Variants in C19orf25 observed in about 807,000 individuals in gnomAD.
The protein encoded by C19orf25 is UPF0449 protein C19orf25.
C19orf25 carries 1 observed loss-of-function variant against 3.1 expected under a neutral mutation model. The observed-to-expected ratio is 0.32, with a 90% CI of 0.12 to 1.54. The LOEUF (loss-of-function observed/expected upper bound fraction) is 1.54, where lower values mean the gene tolerates loss of function less well. C19orf25 is among the 40% of genes most tolerant of loss of function. The pLI, the probability that C19orf25 is intolerant of heterozygous loss-of-function variation, is 0.38. For missense variants in C19orf25, 196 were observed against 160.4 expected (o/e 1.22, Z -1.20); for synonymous variants, 91 against 74.3 (o/e 1.23, Z -1.16).
Position 1,476,100 on chromosome 19 carries a change from C to T in C19orf25, c.131-842G>A, listed in dbSNP as rs143230648. 247 of 398,398 alleles carry T rather than the reference C, an allele frequency of 6.2e-4. 1 individual carries two copies. The highest frequency in any genetic ancestry group is 4.5e-3 in the African/African-American group (218 of 48,724). 24.7% of individuals were successfully genotyped at this position (398,398 alleles called of 1,614,324 possible). A position where few individuals can be genotyped will look rare whatever the true frequency, so the allele number is the denominator to read the frequency against. On this transcript the variant is annotated intron_variant, in intron 2 of 2. Coordinates refer to ENST00000585675, the MANE Select transcript of C19orf25 (RefSeq NM_152482.3). ...TGGTGACTCCCACATTCAGCAGAAA[C>T]TACGTATGGCTCCCTGCTCCCCCAC...
rs1200324468 is a variant in C19orf25 at position 1,474,959 on chromosome 19, G to T, written c.*73C>A. 2 of 1,531,168 alleles carry T rather than the reference G, an allele frequency of 1.3e-6. No individual in the cohort carries two copies. Among genetic ancestry groups the T allele is most frequent in the Admixed American group, 3.9e-5 (2 of 50,906 alleles). The allele number at this position is 1,531,168 out of a possible 1,614,324, so 94.8% of individuals were successfully genotyped here. On this transcript the variant is annotated 3_prime_UTR_variant, in exon 3 of 3. Transcript: ENST00000585675. ...GGGACCCCGTGAATGCCAGTCTGGG[G>T]CCGACGGACCCCCAGGGAAAGCCTG...
At position 1,474,587 on chromosome 19, in the gene C19orf25, C is replaced by T. The variant is rs1045583121; in HGVS notation, c.*445G>A. On this transcript the variant is annotated 3_prime_UTR_variant, in exon 3 of 3. Transcript: ENST00000585675. ...GGGGTCAGGGGCTCAGGCTGGCCCT[C>T]GGGCTGCTCTGACATTGGGTGGGCA... 1.8e-5 allele frequency: 8 copies of T among 435,910 alleles called. No individual in the cohort carries two copies. Among genetic ancestry groups the T allele is most frequent in the Non-Finnish European group, 2.4e-5 (6 of 249,228 alleles). 27.0% of individuals were successfully genotyped at this position (435,910 alleles called of 1,614,324 possible). A position where few individuals can be genotyped will look rare whatever the true frequency, so the allele number is the denominator to read the frequency against.
intron 1 of C19orf25, 121 bp from the exon 2 acceptor site, chr19:1,479,026 C>T: frequency 7.1e-7 from 1 of 1,400,994 alleles, no homozygotes; most frequent in Non-Finnish European, 9.3e-7. Flanking sequence ...GGAAGCCCGC[C>T]CTGTCCCGCC....
chr19:1,476,028 C>T (rs989777900), intron 2 of C19orf25: 2 of 395,774 alleles, frequency 5.1e-6, no homozygotes, highest in Non-Finnish European at 8.9e-6. Flanking sequence ...GGAGCACACA[C>T]TTAGGGAGGC....
chr19:1,478,386 G>A (rs942224706), intron 2 of C19orf25: 3 of 378,752 alleles, frequency 7.9e-6, no homozygotes, highest in East Asian at 4.2e-5. Context: ...GATTACAGGC[G>A]CCTGCCACTA....
intron 2 of C19orf25, among the ~76,000 whole-genome samples, chr19:1,476,714 G>A (rs1043417550): frequency 3.9e-5 from 6 of 152,072 alleles, no homozygotes; most frequent in African/African-American, 9.7e-5. Flanking sequence ...ACTCCTGGGC[G>A]CAAGCAACCC....
At position 1,474,998 on chromosome 19, in the gene C19orf25, T is replaced by C. The variant is rs753874170; in HGVS notation, c.*34A>G. 6.4e-7 allele frequency: 1 copy of C among 1,550,820 alleles called. No individual in the cohort carries two copies. The highest frequency in any genetic ancestry group is 1.2e-5 in the South Asian group (1 of 84,938). On this transcript the variant is annotated 3_prime_UTR_variant, in exon 3 of 3. Coordinates refer to ENST00000585675, the MANE Select transcript of C19orf25 (RefSeq NM_152482.3). ...AGGGAAAGCCTGGGTGCAGGCCACC[T>C]TGTGCGCTGCCCAAGCCTGCAGGCC...
chr19:1,475,010 C>T lies in C19orf25; in HGVS notation c.*22G>A. The T allele has an allele frequency of 6.4e-7, 1 of 1,560,450 alleles. No individual in the cohort carries two copies. The highest frequency in any genetic ancestry group is 8.6e-7 in the Non-Finnish European group (1 of 1,156,918). ...GGTGCAGGCCACCTTGTGCGCTGCC[C>T]AAGCCTGCAGGCCCCGAGAGGTCAG... On this transcript the variant is annotated 3_prime_UTR_variant, in exon 3 of 3. Transcript: ENST00000585675.
chr19:1,473,781 G>A lies in C19orf25; in HGVS notation c.*1251C>T, dbSNP rs943249510. On this transcript the variant is annotated 3_prime_UTR_variant, in exon 3 of 3. Coordinates refer to ENST00000585675, the MANE Select transcript of C19orf25 (RefSeq NM_152482.3). ...TGCAGGGTGGGAAGGGATGGCAGGA[G>A]CCGGCCCCCTCCCCACCTTCCACCC... 6.6e-6 allele frequency: 1 copy of A among 152,460 alleles called. No individual in the cohort carries two copies. Among genetic ancestry groups the A allele is most frequent in the Admixed American group, 6.5e-5 (1 of 15,286 alleles). The allele number at this position is 152,460 out of a possible 1,614,324, so 9.4% of individuals were successfully genotyped here.
In C19orf25 at chr19:1,475,259, C is replaced by G. The variant is rs201353187; in HGVS notation, c.131-1G>C. On this transcript the variant is annotated splice_acceptor_variant, in intron 2 of 2. Transcript: ENST00000585675. LOFTEE classifies it high-confidence loss of function. ...ATCATCCTGAAGGGAACTGGGGGGT[C>G]TGAGACAGGACACAGCAGCATCACT... 5.2e-3 allele frequency: 7,967 copies of G among 1,546,604 alleles called. 26 individuals are homozygous for G. The highest frequency in any genetic ancestry group is 6.4e-3 in the Non-Finnish European group (7,341 of 1,143,652).
At chr19:1,478,564 G>A (rs2084229825) in intron 2 of C19orf25, 1 of 1,374,598 alleles carries the variant, frequency 7.3e-7, no homozygotes, top group Non-Finnish European at 9.4e-7. Flanking sequence ...CTGAACCACA[G>A]CGCCCGGCCT....
At chr19:1,478,600 A>C in intron 2 of C19orf25, 174 bp downstream of exon 2, 1 of 1,401,042 alleles carries the variant, frequency 7.1e-7, no homozygotes, top group Non-Finnish European at 9.3e-7. Context: ...GAACCCTCTG[A>C]AAATCGGTCC....
intron 2 of C19orf25, chr19:1,478,289 G>A (rs954127990): frequency 5.8e-5 from 11 of 191,114 alleles, no homozygotes; most frequent in Middle Eastern, 1.9e-3. Context: ...CACCTGGGCT[G>A]GAGTGCAGTG....
intron 1 of C19orf25, 75 bp from the exon 2 acceptor site, chr19:1,478,980 C>A: frequency 3.4e-6 from 5 of 1,452,466 alleles, no homozygotes; most frequent in Non-Finnish European, 3.6e-6. Context: ...TCCCGCCCAG[C>A]GAACTCGTAC....
At position 1,475,058 on chromosome 19, in the gene C19orf25, C is replaced by T. The variant is rs923608915; in HGVS notation, c.331G>A (p.Ala111Thr). The change falls in exon 3 of 3, where the codon GCA (alanine) becomes ACA (threonine). Residue 111 changes from alanine to threonine, a missense_variant. By Grantham distance (58) the Ala-to-Thr change is moderately conservative. Transcript: ENST00000585675. Reference sequence around the variant, plus strand: ...CAGCCTGAGGAGGCAGCCTCGGCTGCCGGTAATGCTGCCTGCTTCATCTGG... The same window carrying T: ...CAGCCTGAGGAGGCAGCCTCGGCTGTCGGTAATGCTGCCTGCTTCATCTGG... The part of the protein sequence containing the change: ...VAQMKQAALP[A>T]AEAASSG 4.4e-6 allele frequency: 7 copies of T among 1,599,132 alleles called. No individual in the cohort carries two copies. Among genetic ancestry groups the T allele is most frequent in the Non-Finnish European group, 6.0e-6 (7 of 1,174,848 alleles).
In C19orf25 at chr19:1,478,835, G is replaced by T. The variant is rs773700013; in HGVS notation, c.69C>A (p.Ile23=). The T allele has an allele frequency of 1.3e-6, 2 of 1,596,642 alleles. No individual in the cohort carries two copies. The highest frequency in any genetic ancestry group is 1.7e-5 in the Admixed American group (1 of 58,260). The change falls in exon 2 of 3, where the codon ATC becomes ATA. Residue 23 remains isoleucine (I), a synonymous_variant. Transcript: ENST00000585675. ...CCGGCGCACCCCGCACATCCTCCAG[G>T]ATCTGCTCCACCGTGGGGGGCGCTG... ...TRPAPPTVEQ[I]LEDVRGAPAE...
At position 1,475,209 on chromosome 19, in the gene C19orf25, C is replaced by G. The variant is rs761141923; in HGVS notation, c.180G>C (p.Glu60Asp). Reference protein sequence around the residue: ...RMMEDAEAPGEQLYQQSRAYV... With the variant: ...RMMEDAEAPGDQLYQQSRAYV... ...AGGCCCGGCTTTGCTGGTAGAGCTGCTCTCCCGGGGCCTCCGCATCCTCCA... is the reference window on the plus strand; with the variant it reads ...AGGCCCGGCTTTGCTGGTAGAGCTGGTCTCCCGGGGCCTCCGCATCCTCCA... Residue 60 changes from glutamate to aspartate, a missense_variant, in exon 3 of 3, where the codon GAG becomes GAC. Physicochemically the swap from Glu to Asp is conservative, Grantham distance 45 (BLOSUM62 2). Coordinates refer to ENST00000585675, the MANE Select transcript of C19orf25 (RefSeq NM_152482.3). 1.3e-6 allele frequency: 2 copies of G among 1,564,928 alleles called. No individual in the cohort carries two copies. The highest frequency in any genetic ancestry group is 1.7e-6 in the Non-Finnish European group (2 of 1,155,876).
At chr19:1,476,717 A>C (rs2084209143) in intron 2 of C19orf25, among the ~76,000 whole-genome samples, 1 of 152,158 alleles carries the variant, frequency 6.6e-6, no homozygotes, top group Admixed American at 6.5e-5. Context: ...CCTGGGCGCA[A>C]GCAACCCTCC....
At position 1,474,701 on chromosome 19, in the gene C19orf25, A is replaced by C; in HGVS notation, c.*331T>G. ...GAGTGCCTGCCCCGGGAGAGGAAGG[A>C]GGTGGCACCTGCTCCCAGGGGCCCC... On this transcript the variant is annotated 3_prime_UTR_variant, in exon 3 of 3. Coordinates refer to ENST00000585675, the MANE Select transcript of C19orf25 (RefSeq NM_152482.3). The C allele has an allele frequency of 9.6e-7, 1 of 1,045,026 alleles. No homozygotes were observed. The highest frequency in any genetic ancestry group is 1.3e-6 in the Non-Finnish European group (1 of 753,672). The allele number at this position is 1,045,026 out of a possible 1,614,324, so 64.7% of individuals were successfully genotyped here. A position where few individuals can be genotyped will look rare whatever the true frequency, so the allele number is the denominator to read the frequency against.
Sources: gnomAD v4.1 joint callset for allele counts (sites outside exome capture counted in the v4.1 genomes callset) on GRCh38, gnomAD v4.1.1 for gene constraint, MANE v1.5 for transcripts, NCBI Gene and HGNC (gene_info 2026-07-23, HGNC 2026-07-21) for gene names.